GPC5: variants seen among roughly 807,000 people sequenced by gnomAD.
The protein encoded by GPC5 is glypican 5, also known as glypican-5.
In GPC5, 47 loss-of-function variants were observed where a neutral mutation model predicts 53.9. The observed-to-expected ratio is 0.87, with a 90% CI of 0.69 to 1.11. The LOEUF is 1.11. Ranked by LOEUF, GPC5 falls within the 50% of genes most tolerant of loss-of-function variation. The pLI is 0.00. For missense variants in GPC5, 748 were observed against 713.1 expected, an observed-to-expected ratio of 1.05 and a Z score of -0.56; for synonymous variants, 286 against 263.3, an observed-to-expected ratio of 1.09 and a Z score of -0.84.
chr13:92,615,896 A>G (rs1170066158), intron 7 of GPC5, among the ~76,000 whole-genome samples: 1 of 152,130 alleles, frequency 6.6e-6, no homozygotes, highest in Non-Finnish European at 1.5e-5. Flanking sequence ...TACTAAAAGT[A>G]CAAAAAAATT....
At chr13:92,659,582 A>T (rs1253676025) in intron 7 of GPC5, among the ~76,000 whole-genome samples, 1 of 152,134 alleles carries the variant, frequency 6.6e-6, no homozygotes, top group Non-Finnish European at 1.5e-5. Context: ...TTGTGTAACC[A>T]TATTCATCCA....
chr13:92,315,376 G>C (rs554144561), intron 7 of GPC5, among the ~76,000 whole-genome samples: 43 of 152,194 alleles, frequency 2.8e-4, no homozygotes, highest in African/African-American at 9.4e-4. Context: ...ACCCTCTCAA[G>C]TTTCAATTTT....
chr13:92,649,748 T>C (rs1885894394), intron 7 of GPC5, among the ~76,000 whole-genome samples: 1 of 152,116 alleles, frequency 6.6e-6, no homozygotes, highest in South Asian at 2.1e-4. Flanking sequence ...TCTCTCCTTG[T>C]CAGTAAAGTA....
chr13:92,261,353 A>G (rs566801027), intron 7 of GPC5, among the ~76,000 whole-genome samples: 7 of 152,288 alleles, frequency 4.6e-5, no homozygotes, highest in Non-Finnish European at 8.8e-5. Flanking sequence ...CAAAAGCTCA[A>G]GAATGCATTT....
intron 7 of GPC5, among the ~76,000 whole-genome samples, chr13:92,490,997 C>A (rs1879739853): frequency 6.6e-6 from 1 of 152,028 alleles, no homozygotes; most frequent in Admixed American, 6.6e-5. Flanking sequence ...AAGACAGATA[C>A]CTATGGAAAC....
intron 7 of GPC5, among the ~76,000 whole-genome samples, chr13:92,172,188 G>A (rs991896916): frequency 2.0e-5 from 3 of 152,170 alleles, no homozygotes; most frequent in Non-Finnish European, 4.4e-5. Context: ...TGGATGAGAA[G>A]GAGAGTACTT....
intron 7 of GPC5, among the ~76,000 whole-genome samples, chr13:92,815,243 A>T (rs549610611): frequency 6.6e-6 from 1 of 152,012 alleles, no homozygotes; most frequent in African/African-American, 2.4e-5. Context: ...TGAGGCTGCT[A>T]TATTTTAGGG....
chr13:92,449,855 GA>G (rs1433499635), intron 7 of GPC5, among the ~76,000 whole-genome samples: 1 of 152,000 alleles, frequency 6.6e-6, no homozygotes, highest in Admixed American at 6.6e-5. Flanking sequence ...CAGAATACTA[GA>G]AAATTGTATA....
At chr13:92,048,814 G>A (rs2041004154) in intron 6 of GPC5, among the ~76,000 whole-genome samples, 1 of 152,082 alleles carries the variant, frequency 6.6e-6, no homozygotes, top group Non-Finnish European at 1.5e-5. Context: ...TCATGAAGTT[G>A]ACCAATGGCT....
chr13:91,977,955 A>AAAG (rs2040320423), intron 6 of GPC5, among the ~76,000 whole-genome samples: 2 of 142,900 alleles, frequency 1.4e-5, no homozygotes, highest in African/African-American at 5.8e-5. Context: ...TCTAAAAGAA[A>AAAG]AAAGAAAGAA....
At chr13:92,743,710 T>C (rs1477288362) in intron 7 of GPC5, among the ~76,000 whole-genome samples, 1 of 152,180 alleles carries the variant, frequency 6.6e-6, no homozygotes, top group Non-Finnish European at 1.5e-5. Context: ...CAGTATGATA[T>C]TGGCTGTGGG....
chr13:92,432,308 T>C (rs1211857067), intron 7 of GPC5, among the ~76,000 whole-genome samples: 1 of 151,886 alleles, frequency 6.6e-6, no homozygotes, highest in East Asian at 1.9e-4. Flanking sequence ...TATTTTTTTA[T>C]GGCAGCCTAA....
intron 6 of GPC5, among the ~76,000 whole-genome samples, chr13:91,961,648 A>G (rs181978258): frequency 2.2e-4 from 33 of 152,220 alleles, no homozygotes; most frequent in Middle Eastern, 3.4e-3. Flanking sequence ...ATGTCCTCAA[A>G]AGTTGAATGG....
intron 7 of GPC5, among the ~76,000 whole-genome samples, chr13:92,383,002 C>CAA (rs57654180): frequency 1.8e-3 from 171 of 94,322 alleles, no homozygotes; most frequent in Admixed American, 3.0e-3. Context: ...GACTCCGTCT[C>CAA]AAAAAAAAAA....
intron 7 of GPC5, among the ~76,000 whole-genome samples, chr13:92,767,944 C>T (rs1306584025): frequency 6.6e-6 from 1 of 152,002 alleles, no homozygotes; most frequent in Non-Finnish European, 1.5e-5. Context: ...TTGTGTATAT[C>T]GTTTTGCCCA....
chr13:92,052,296 C>T (rs1566413579), intron 6 of GPC5, among the ~76,000 whole-genome samples: 1 of 152,128 alleles, frequency 6.6e-6, no homozygotes, highest in Admixed American at 6.5e-5. Context: ...CTTGGTCTCA[C>T]CGACTTCAAG....
intron 6 of GPC5, among the ~76,000 whole-genome samples, chr13:91,992,553 G>A (rs1435426356): frequency 6.6e-6 from 1 of 151,306 alleles, no homozygotes; most frequent in African/African-American, 2.4e-5. Flanking sequence ...TGCCTTCCAG[G>A]TTCAAGCGAT....
intron 2 of GPC5, among the ~76,000 whole-genome samples, chr13:91,566,931 C>CTTTTTT (rs372108616): frequency 1.3e-4 from 19 of 140,776 alleles, no homozygotes; most frequent in African/African-American, 3.9e-4. Context: ...TCTTCCAATT[C>CTTTTTT]TTTTTTTTTT....
chr13:91,412,213 C>T (rs1480191741), intron 1 of GPC5, among the ~76,000 whole-genome samples: 3 of 152,242 alleles, frequency 2.0e-5, no homozygotes, highest in African/African-American at 4.8e-5. Flanking sequence ...TGCCTATCAC[C>T]ATTGCTACCA....
Sources: allele counts gnomAD v4.1 joint callset (sites outside exome capture counted in the v4.1 genomes callset), GRCh38; gene constraint gnomAD v4.1.1; transcripts MANE v1.5; gene names NCBI Gene and HGNC (gene_info 2026-07-23, HGNC 2026-07-21).